Variants in IFT57 observed in about 807,000 individuals in gnomAD.
IFT57 encodes intraflagellar transport 57, also known as intraflagellar transport protein 57 homolog.
Under a neutral mutation model 56.8 loss-of-function variants are expected in IFT57, and 59 were observed. The ratio of observed to expected loss-of-function variants is 1.04; its 90% CI spans 0.84 to 1.29. IFT57 has a LOEUF of 1.29. IFT57 is among the 50% of genes most tolerant of loss of function. IFT57 has a pLI of 0.00. For synonymous variants in IFT57, 209 were observed against 186.1 expected (o/e 1.12, Z -1.00); for missense variants, 470 against 522.1 (o/e 0.90, Z 0.97).
At chr3:108,190,098 T>A (rs1182824822) in intron 6 of IFT57, among the ~76,000 whole-genome samples, 2 of 152,144 alleles carry the variant, frequency 1.3e-5, no homozygotes, top group Non-Finnish European at 2.9e-5. Context: ...TATTGGGAAG[T>A]CTGCCTATAA....
intron 6 of IFT57, among the ~76,000 whole-genome samples, chr3:108,188,870 T>G (rs1047747287): frequency 2.6e-5 from 4 of 152,196 alleles, no homozygotes; most frequent in African/African-American, 9.6e-5. Flanking sequence ...ATAACCGCAA[T>G]CTAAAAAATC....
At chr3:108,167,747 A>G in intron 7 of IFT57, 46 bp downstream of exon 7, 1 of 1,308,906 alleles carries the variant, frequency 7.6e-7, no homozygotes, top group South Asian at 1.5e-5. Flanking sequence ...CAGGTGTTCC[A>G]CAGATGAGTA....
intron 6 of IFT57, among the ~76,000 whole-genome samples, chr3:108,180,317 C>CTTTA (rs1306636853): frequency 6.6e-6 from 1 of 151,878 alleles, no homozygotes; most frequent in Non-Finnish European, 1.5e-5. Context: ...AGTTTCCAGG[C>CTTTA]TTTAGAAGGA....
chr3:108,191,782 G>A, intron 5 of IFT57, 139 bp from the exon 6 acceptor site: 1 of 502,966 alleles, frequency 2.0e-6, no homozygotes, highest in East Asian at 3.4e-5. Flanking sequence ...ATTATTTTCT[G>A]TCTTCCTACA....
intron 1 of IFT57, among the ~76,000 whole-genome samples, chr3:108,220,932 T>G (rs991460234): frequency 6.6e-6 from 1 of 152,196 alleles, no homozygotes; most frequent in Admixed American, 6.5e-5. Flanking sequence ...AACAGAACCT[T>G]AAGGACATTT....
chr3:108,220,542 A>G (rs1171088867), intron 1 of IFT57, among the ~76,000 whole-genome samples: 2 of 152,212 alleles, frequency 1.3e-5, no homozygotes, highest in African/African-American at 2.4e-5. Context: ...CCTTCCAGGT[A>G]TATGCTCACT....
At chr3:108,202,939 T>G (rs561397347) in intron 5 of IFT57, among the ~76,000 whole-genome samples, 1 of 152,298 alleles carries the variant, frequency 6.6e-6, no homozygotes, top group South Asian at 2.1e-4. Context: ...CATTTAAAAT[T>G]TAGTCAATGG....
rs1420877915 is a variant in IFT57 at position 108,219,548 on chromosome 3, G to T, written c.237C>A (p.Asn79Lys). Residue 79 changes from asparagine to lysine, a missense_variant, in exon 2 of 11, where the codon AAC (asparagine) becomes AAA (lysine). Coordinates refer to ENST00000264538, the MANE Select transcript of IFT57 (RefSeq NM_018010.4). Reference sequence around the variant, plus strand: ...AAAACATGTAGAACTGTTCGCCAGGGTTGGTAGGCAGTGCAAAATAGTGTC... The same window carrying T: ...AAAACATGTAGAACTGTTCGCCAGGTTTGGTAGGCAGTGCAAAATAGTGTC... ...PSRHYFALPT[N>K]PGEQFYMFCT... 1 of 1,613,950 alleles carries T rather than the reference G, an allele frequency of 6.2e-7. No homozygotes were observed. The highest frequency in any genetic ancestry group is 2.2e-5 in the East Asian group (1 of 44,860).
intron 6 of IFT57, among the ~76,000 whole-genome samples, chr3:108,171,811 T>C (rs901916333): frequency 6.6e-6 from 1 of 151,778 alleles, no homozygotes; most frequent in Non-Finnish European, 1.5e-5. Flanking sequence ...TTTGAAAAAG[T>C]ACTCATCCTG....
Position 108,222,267 on chromosome 3 carries a change from C to G in IFT57, c.56G>C (p.Arg19Thr). 1 of 1,613,994 alleles carries G rather than the reference C, an allele frequency of 6.2e-7. No individual in the cohort carries two copies. Among genetic ancestry groups the G allele is most frequent in the Non-Finnish European group, 8.5e-7 (1 of 1,180,000 alleles). Residue 19 changes from arginine (R) to threonine (T), a missense_variant, in exon 1 of 11, where the codon AGG becomes ACG. By Grantham distance (71) the Arg-to-Thr change is moderately conservative. Coordinates refer to ENST00000264538, the MANE Select transcript of IFT57 (RefSeq NM_018010.4). ...TTCCCCGGTCCCTTCGCCACGGGAC[C>G]TAGGCACCCCATCTTCCAAACCCGA... ...TTSGLEDGVP[R>T]SRGEGTGEVV...
At chr3:108,166,008 C>T (rs1274817588) in intron 8 of IFT57, among the ~76,000 whole-genome samples, 2 of 151,986 alleles carry the variant, frequency 1.3e-5, no homozygotes, top group African/African-American at 2.4e-5. Flanking sequence ...GAGAGTTTTA[C>T]ATCATTTTGA....
rs1300489953 is a variant in IFT57, at chr3:108,161,714, G to T, written c.*763C>A. 6.6e-6 allele frequency: 1 copy of T among 152,066 alleles called. No individual in the cohort carries two copies. The highest frequency in any genetic ancestry group is 1.5e-5 in the Non-Finnish European group (1 of 68,024). 9.4% of individuals were successfully genotyped at this position (152,066 alleles called of 1,614,324 possible). On this transcript the variant is annotated 3_prime_UTR_variant, in exon 11 of 11. Transcript: ENST00000264538. ...ATCAGTACTAGAGGCTGATCTTCATGCGACCTGTCATCGTTCCTTCTTCTA... is the reference window on the plus strand; with the variant it reads ...ATCAGTACTAGAGGCTGATCTTCATTCGACCTGTCATCGTTCCTTCTTCTA...
At position 108,163,736 on chromosome 3, in the gene IFT57, T is replaced by C. The variant is rs757583797; in HGVS notation, c.1045-7A>G. On this transcript the variant is annotated splice_region_variant and splice_polypyrimidine_tract_variant and intron_variant, in intron 9 of 10. Coordinates refer to ENST00000264538, the MANE Select transcript of IFT57 (RefSeq NM_018010.4). ...TTTCTAATTCTTCCATAACCTTTCA[T>C]GAAAACAAGTTTTCATGAGCATTAC... 27 of 1,583,174 alleles carry C rather than the reference T, an allele frequency of 1.7e-5. No homozygotes were observed. The highest frequency in any genetic ancestry group is 2.3e-5 in the Non-Finnish European group (26 of 1,153,644).
intron 8 of IFT57, among the ~76,000 whole-genome samples, chr3:108,166,084 A>G (rs973223319): frequency 1.2e-4 from 18 of 152,238 alleles, no homozygotes; most frequent in Admixed American, 1.0e-3. Flanking sequence ...TAACATCAAA[A>G]AGTGTAGATT....
Position 108,167,930 on chromosome 3 carries a change from G to C in IFT57, c.778-66C>G, listed in dbSNP as rs2080071521. On this transcript the variant is annotated intron_variant, in intron 6 of 10. Coordinates refer to ENST00000264538, the MANE Select transcript of IFT57 (RefSeq NM_018010.4). ...ACATTTCCATCTTTCCCTACTTCTT[G>C]TGAAGTTGTAACCTTTAATTACTTT... 4.8e-6 allele frequency: 6 copies of C among 1,254,038 alleles called. No individual in the cohort carries two copies. The South Asian group carries it at 5.9e-5, about 12-fold the overall frequency. 77.7% of individuals were successfully genotyped at this position (1,254,038 alleles called of 1,614,324 possible). A position where few individuals can be genotyped will look rare whatever the true frequency, so the allele number is the denominator to read the frequency against.
chr3:108,165,788 T>A (rs536943004), intron 8 of IFT57, among the ~76,000 whole-genome samples: 1 of 152,066 alleles, frequency 6.6e-6, no homozygotes, highest in East Asian at 1.9e-4. Flanking sequence ...TCCTAAACAG[T>A]TTAGGAGAGG....
At chr3:108,208,964 C>A (rs2108325193) in intron 4 of IFT57, among the ~76,000 whole-genome samples, 1 of 152,248 alleles carries the variant, frequency 6.6e-6, no homozygotes. Context: ...CCAGGCAGGT[C>A]TACTTAATGG....
At chr3:108,185,993 A>C (rs2080179939) in intron 6 of IFT57, among the ~76,000 whole-genome samples, 1 of 152,112 alleles carries the variant, frequency 6.6e-6, no homozygotes, top group Non-Finnish European at 1.5e-5. Flanking sequence ...TAAACATCGA[A>C]GGCACTGAAG....
At chr3:108,196,080 C>T (rs768597958) in intron 5 of IFT57, among the ~76,000 whole-genome samples, 13 of 151,962 alleles carry the variant, frequency 8.6e-5, no homozygotes, top group Non-Finnish European at 1.6e-4. Context: ...GCATTGTATG[C>T]CTTGTATCAA....
Sources: gnomAD v4.1 joint callset for allele counts (sites outside exome capture counted in the v4.1 genomes callset) on GRCh38, gnomAD v4.1.1 for gene constraint, MANE v1.5 for transcripts, NCBI Gene and HGNC (gene_info 2026-07-23, HGNC 2026-07-21) for gene names.